Variants in IL1RAPL2 observed in about 807,000 individuals in gnomAD.
IL1RAPL2 encodes X-linked interleukin-1 receptor accessory protein-like 2.
In IL1RAPL2, 3 loss-of-function variants were observed where a neutral mutation model predicts 44.1. The observed-to-expected ratio is 0.07, with a 90% CI of 0.03 to 0.18. The LOEUF is 0.18. IL1RAPL2 is among the 10% of genes least tolerant of loss of function. IL1RAPL2 has a pLI of 1.00. For missense variants in IL1RAPL2, 391 were observed against 496.4 expected (o/e 0.79, Z 2.02); for synonymous variants, 181 against 178.8 (o/e 1.01, Z -0.10).
In IL1RAPL2 at chrX:105,592,191, T is replaced by A. The variant is rs141715374; in HGVS notation, c.772+107804T>A. Among the ~76,000 whole-genome samples, 914 of 112,055 alleles carry A rather than the reference T, an allele frequency of 8.2e-3. 33 individuals carry two copies. Among genetic ancestry groups the A allele is most frequent in the Admixed American group, 0.078 (826 of 10,540 alleles). On this transcript the variant is annotated intron_variant, in intron 6 of 10. Coordinates refer to ENST00000372582, the MANE Select transcript of IL1RAPL2 (RefSeq NM_017416.2). ...TAATGCCTTTCTTTAATTTTTTTGA[T>A]CATTTTTGGTTTAAGGTCTGTTTTG...
At chrX:104,659,426 C>T in intron 2 of IL1RAPL2, among the ~76,000 whole-genome samples, 1 of 111,633 alleles carries the variant, frequency 9.0e-6, no homozygotes, top group Non-Finnish European at 1.9e-5. Flanking sequence ...CAGTTGCTAA[C>T]AGGCAGGGGT....
chrX:104,903,259 A>T (rs931465035), intron 2 of IL1RAPL2, among the ~76,000 whole-genome samples: 29 of 112,457 alleles, frequency 2.6e-4, no homozygotes, highest in Middle Eastern at 4.6e-3. Flanking sequence ...CATCAGCTGA[A>T]TAAGCAAATG....
intron 6 of IL1RAPL2, among the ~76,000 whole-genome samples, chrX:105,665,344 C>CGTGTGT (rs58453498): frequency 7.3e-4 from 72 of 98,548 alleles, no homozygotes; most frequent in East Asian, 2.3e-3. Context: ...TATGCGCGTG[C>CGTGTGT]GTGTGTGTGT....
chrX:105,659,807 G>A (rs940369128), intron 6 of IL1RAPL2, among the ~76,000 whole-genome samples: 5 of 109,763 alleles, frequency 4.6e-5, no homozygotes, highest in African/African-American at 1.7e-4. Context: ...CTTGAAGACA[G>A]GCTATTCGAA....
At chrX:104,589,480 T>G (rs1030536205) in intron 1 of IL1RAPL2, among the ~76,000 whole-genome samples, 1 of 112,162 alleles carries the variant, frequency 8.9e-6, no homozygotes, top group African/African-American at 3.2e-5. Context: ...GCCCACTGAC[T>G]CAAATGTTAA....
intron 2 of IL1RAPL2, among the ~76,000 whole-genome samples, chrX:104,673,507 A>G (rs1930667129): frequency 9.0e-6 from 1 of 111,013 alleles, no homozygotes. Flanking sequence ...GTAGCCTTGT[A>G]GTATAGTTTG....
intron 1 of IL1RAPL2, among the ~76,000 whole-genome samples, chrX:104,636,551 C>T (rs1207555546): frequency 8.9e-6 from 1 of 111,912 alleles, no homozygotes; most frequent in African/African-American, 3.2e-5. Context: ...GGCGGGCACC[C>T]CTCCCCCAGC....
At chrX:105,614,071 C>G (rs2037355899) in intron 6 of IL1RAPL2, among the ~76,000 whole-genome samples, 1 of 111,688 alleles carries the variant, frequency 9.0e-6, no homozygotes, top group African/African-American at 3.3e-5. Flanking sequence ...AGAAAGTAAT[C>G]CCATTTACAA....
intron 9 of IL1RAPL2, among the ~76,000 whole-genome samples, chrX:105,752,308 C>T (rs1256677897): frequency 1.8e-5 from 2 of 112,513 alleles, no homozygotes; most frequent in Admixed American, 9.4e-5. Context: ...CTGTTTAGCA[C>T]AGCTGCGGAA....
intron 2 of IL1RAPL2, among the ~76,000 whole-genome samples, chrX:104,855,100 G>A (rs1419892559): frequency 1.8e-5 from 2 of 112,196 alleles, no homozygotes; most frequent in Non-Finnish European, 3.8e-5. Flanking sequence ...GAATTACAGA[G>A]TTTCTCATGC....
chrX:104,597,074 G>A (rs909553427), intron 1 of IL1RAPL2, among the ~76,000 whole-genome samples: 14 of 111,192 alleles, frequency 1.3e-4, no homozygotes, highest in Non-Finnish European at 2.3e-4. Flanking sequence ...GGTGTCTCAC[G>A]CCTGCAATCC....
intron 2 of IL1RAPL2, among the ~76,000 whole-genome samples, chrX:105,192,683 C>T (rs782138927): frequency 6.3e-5 from 7 of 111,255 alleles, no homozygotes; most frequent in Non-Finnish European, 9.4e-5. Flanking sequence ...TTCATAGATC[C>T]GTGTTATCAT....
At chrX:105,388,148 CAAAAAAAAAAAAAAAAAAAAAAAA>C (rs760730401) in intron 5 of IL1RAPL2, among the ~76,000 whole-genome samples, 4 of 5,382 alleles carry the variant, frequency 7.4e-4, no homozygotes, top group South Asian at 0.029. Flanking sequence ...AACTCCATCT[CAAAAAAAAAAAAAAAAAAAAAAAA>C]AAAAAAAAAA....
intron 2 of IL1RAPL2, among the ~76,000 whole-genome samples, chrX:104,902,350 A>G (rs1488421138): frequency 1.8e-5 from 2 of 112,150 alleles, no homozygotes; most frequent in African/African-American, 6.5e-5. Context: ...GTTTTTCACA[A>G]AATTACCACT....
intron 6 of IL1RAPL2, among the ~76,000 whole-genome samples, chrX:105,669,360 A>G (rs1248006173): frequency 9.0e-6 from 1 of 111,107 alleles, no homozygotes; most frequent in African/African-American, 3.3e-5. Context: ...GAAAGGGGTA[A>G]ACATTTTATA....
chrX:104,712,645 TA>T (rs1931482169), intron 2 of IL1RAPL2, among the ~76,000 whole-genome samples: 1 of 111,013 alleles, frequency 9.0e-6, no homozygotes, highest in African/African-American at 3.3e-5. Flanking sequence ...AGTAGACCAG[TA>T]ATTTTTTTTC....
In IL1RAPL2 at chrX:105,098,686, A is replaced by G. The variant is rs140193248; in HGVS notation, c.83-96789A>G. ...AGAAAATCAATACGCAATCTGTGTG[A>G]TAATTAATTAAGGTGCCAGAATGAA... On this transcript the variant is annotated intron_variant, in intron 2 of 10. Transcript: ENST00000372582. 4.5e-4 allele frequency among the ~76,000 whole-genome samples: 50 copies of G among 112,080 alleles called. No individual in the cohort carries two copies. The East Asian group carries it at 0.013, about 29-fold the overall frequency.
chrX:104,652,580 C>A (rs1930172487), intron 1 of IL1RAPL2, among the ~76,000 whole-genome samples: 1 of 111,641 alleles, frequency 9.0e-6, no homozygotes, highest in Admixed American at 9.5e-5. Context: ...AAGGAGTAGG[C>A]AAAGACAACC....
chrX:105,595,895 G>T (rs2037205877), intron 6 of IL1RAPL2, among the ~76,000 whole-genome samples: 1 of 111,201 alleles, frequency 9.0e-6, no homozygotes, highest in African/African-American at 3.3e-5. Flanking sequence ...ATTTTGGTAG[G>T]TTGTATGTTT....
Sources: allele counts gnomAD v4.1 joint callset (sites outside exome capture counted in the v4.1 genomes callset), GRCh38; gene constraint gnomAD v4.1.1; transcripts MANE v1.5; gene names NCBI Gene and HGNC (gene_info 2026-07-23, HGNC 2026-07-21).